The following GTF2IRD1 variants were observed in gnomAD, a reference collection of about 807,000 sequenced individuals.
GTF2IRD1 encodes the protein GTF2I repeat domain containing 1, also known as general transcription factor II-I repeat domain-containing protein 1.
Under a neutral mutation model 113.2 loss-of-function variants are expected in GTF2IRD1, and 26 were observed. The observed-to-expected ratio is 0.23, with a 90% CI of 0.17 to 0.32. GTF2IRD1 has a LOEUF of 0.32. Among genes scored for constraint, GTF2IRD1 ranks in the 10% least tolerant of loss-of-function variants. GTF2IRD1 has a pLI of 1.00. For missense variants in GTF2IRD1, 864 were observed against 1,280.8 expected (o/e 0.67, Z 4.97); for synonymous variants, 484 against 529.1 (o/e 0.91, Z 1.17).
At chr7:74,577,279 TCCAC>T (rs1801131716) in intron 22 of GTF2IRD1, among the ~76,000 whole-genome samples, 1 of 152,158 alleles carries the variant, frequency 6.6e-6, no homozygotes, top group African/African-American at 2.4e-5. Context: ...CCTCAAGCGA[TCCAC>T]CCGCCTCAGC....
At chr7:74,587,398 C>T (rs782510367) in intron 22 of GTF2IRD1, among the ~76,000 whole-genome samples, 23 of 151,922 alleles carry the variant, frequency 1.5e-4, no homozygotes, top group Admixed American at 4.6e-4. Flanking sequence ...GAACCGAGAC[C>T]GTGCCACTGC....
intron 22 of GTF2IRD1, among the ~76,000 whole-genome samples, chr7:74,575,832 C>T (rs587737529): frequency 6.6e-6 from 1 of 152,102 alleles, no homozygotes; most frequent in Non-Finnish European, 1.5e-5. Context: ...GGGGAGCAGT[C>T]CAGGCTTGAG....
rs71094796 is a variant in GTF2IRD1, at chr7:74,574,150, ATTTTTTTTTTTT to A, written c.2320+14507_2320+14518del. 6.7e-5 allele frequency among the ~76,000 whole-genome samples: 7 copies of A among 104,826 alleles called. No homozygotes were observed. In the Admixed American group the frequency reaches 7.8e-4, roughly 12 times the overall value. 68.8% of individuals were successfully genotyped at this position (104,826 alleles called of 152,430 possible). Reference sequence around the variant, plus strand: ...AGGCATGCACCACCACACCAAGCTAATTTTTTTTTTTTTTTTTTTTTTTGTATTTTTAGTAGA... The same window carrying A: ...AGGCATGCACCACCACACCAAGCTAATTTTTTTTTTTGTATTTTTAGTAGA... On this transcript the variant is annotated intron_variant, in intron 22 of 26. Coordinates refer to ENST00000424337, the MANE Select transcript of GTF2IRD1 (RefSeq NM_005685.4).
At chr7:74,584,687 G>A (rs1554367180) in intron 22 of GTF2IRD1, among the ~76,000 whole-genome samples, 1 of 152,150 alleles carries the variant, frequency 6.6e-6, no homozygotes, top group East Asian at 1.9e-4. Context: ...CTTCTATCTT[G>A]CAGCCATCTG....
At chr7:74,569,530 G>A (rs1402091811) in intron 22 of GTF2IRD1, among the ~76,000 whole-genome samples, 3 of 152,196 alleles carry the variant, frequency 2.0e-5, no homozygotes, top group Non-Finnish European at 4.4e-5. Context: ...GGCCTAGCCT[G>A]CAAAGCTAGT....
intron 22 of GTF2IRD1, among the ~76,000 whole-genome samples, chr7:74,581,534 G>A (rs1179239716): frequency 1.2e-4 from 18 of 152,186 alleles, no homozygotes; most frequent in African/African-American, 4.1e-4. Context: ...TGTTTTTCCC[G>A]TGAGCAGATT....
At chr7:74,590,671 G>T (rs1320913226) in intron 23 of GTF2IRD1, among the ~76,000 whole-genome samples, 154 bp from the exon 24 acceptor site, 1 of 152,152 alleles carries the variant, frequency 6.6e-6, no homozygotes, top group Non-Finnish European at 1.5e-5. Context: ...GATTACAGGC[G>T]TGAGCCACTG....
chr7:74,545,633 T>TA, intron 15 of GTF2IRD1, 111 bp from the exon 16 acceptor site: 2 of 788,884 alleles, frequency 2.5e-6, no homozygotes, highest in Non-Finnish European at 4.5e-6. Flanking sequence ...GCCCCAGCCT[T>TA]CCCCCATTCC....
chr7:74,512,685 A>G lies in GTF2IRD1; in HGVS notation c.124-145A>G. 1.4e-6 allele frequency: 1 copy of G among 690,690 alleles called. No individual in the cohort carries two copies. Among genetic ancestry groups the G allele is most frequent in the Non-Finnish European group, 2.4e-6 (1 of 417,374 alleles). The allele number at this position is 690,690 out of a possible 1,614,324, so 42.8% of individuals were successfully genotyped here. On this transcript the variant is annotated intron_variant, in intron 2 of 26. Transcript: ENST00000424337. This position sits in a 1 kb window ranked among gnomAD's most constrained non-coding sequence, Gnocchi z 4.4. ...CAGTCCCACTACAGAATCTGAGACC[A>G]AGAACAGTAGAGGGGCCGTCTGTCC... is the stretch of plus-strand genomic sequence containing the variant.
intron 1 of GTF2IRD1, among the ~76,000 whole-genome samples, chr7:74,499,133 G>A (rs1795881389): frequency 6.6e-6 from 1 of 152,038 alleles, no homozygotes; most frequent in South Asian, 2.1e-4. Context: ...TGAATGAGTA[G>A]GGGTGGTGAG....
At chr7:74,560,010 A>G (rs1449158516) in intron 22 of GTF2IRD1, among the ~76,000 whole-genome samples, 1 of 152,048 alleles carries the variant, frequency 6.6e-6, no homozygotes, top group South Asian at 2.1e-4. Flanking sequence ...CAAACTCCTG[A>G]CCTCAAGTGA....
At chr7:74,553,427 G>A (rs1799421500) in intron 17 of GTF2IRD1, among the ~76,000 whole-genome samples, 1 of 152,080 alleles carries the variant, frequency 6.6e-6, no homozygotes, top group South Asian at 2.1e-4. Context: ...AGCTGGGACT[G>A]CAGGGGCACG....
At position 74,539,524 on chromosome 7, in the gene GTF2IRD1, A is replaced by G. The variant is rs1305204000; in HGVS notation, c.1529-355A>G. Among the ~76,000 whole-genome samples, 3 of 151,946 alleles carry G rather than the reference A, an allele frequency of 2.0e-5. No individual in the cohort carries two copies. In the South Asian group the frequency reaches 6.2e-4, roughly 32 times the overall value. ...TTTGGGAGGCCGAGGCGGGCACATCACCTGAGGTCAGGAGTTAGAGACCAG... is the reference window on the plus strand; with the variant it reads ...TTTGGGAGGCCGAGGCGGGCACATCGCCTGAGGTCAGGAGTTAGAGACCAG... On this transcript the variant is annotated intron_variant, in intron 13 of 26. Coordinates refer to ENST00000424337, the MANE Select transcript of GTF2IRD1 (RefSeq NM_005685.4).
chr7:74,578,037 T>A (rs1326565914), intron 22 of GTF2IRD1, among the ~76,000 whole-genome samples: 1 of 152,150 alleles, frequency 6.6e-6, no homozygotes, highest in Non-Finnish European at 1.5e-5. Context: ...ACTCCTGCCC[T>A]CAAGTGATCC....
At chr7:74,517,508 C>T (rs2130226681) in intron 4 of GTF2IRD1, among the ~76,000 whole-genome samples, 1 of 149,788 alleles carries the variant, frequency 6.7e-6, no homozygotes, top group South Asian at 2.1e-4. Flanking sequence ...TGCAACCCAC[C>T]TCCCGGGTTC....
chr7:74,461,786 C>G (rs1376630575), intron 1 of GTF2IRD1, among the ~76,000 whole-genome samples: 2 of 152,114 alleles, frequency 1.3e-5, no homozygotes, highest in Non-Finnish European at 2.9e-5. Context: ...GCCATCTTAG[C>G]CAGGCTGGTT....
intron 17 of GTF2IRD1, among the ~76,000 whole-genome samples, chr7:74,554,368 C>A (rs782346308): frequency 6.6e-6 from 1 of 152,146 alleles, no homozygotes; most frequent in Non-Finnish European, 1.5e-5. Flanking sequence ...CATGTCTGGA[C>A]AGGGCTTTCT....
chr7:74,544,000 G>C (rs1798781884), intron 14 of GTF2IRD1, among the ~76,000 whole-genome samples: 1 of 151,938 alleles, frequency 6.6e-6, no homozygotes, highest in Non-Finnish European at 1.5e-5. Flanking sequence ...AGTGAGCTGT[G>C]ATTGCTCCAC....
chr7:74,536,420 T>A, intron 11 of GTF2IRD1, 145 bp downstream of exon 11: 1 of 586,618 alleles, frequency 1.7e-6, no homozygotes, highest in South Asian at 2.0e-5. Flanking sequence ...GAAAACAGAC[T>A]CCACCTACTT....
Sources: gnomAD v4.1 joint callset for allele counts (sites outside exome capture counted in the v4.1 genomes callset) on GRCh38, gnomAD v4.1.1 for gene constraint, Gnocchi (gnomAD v3.1) non-coding constraint, MANE v1.5 for transcripts, NCBI Gene and HGNC (gene_info 2026-07-23, HGNC 2026-07-21) for gene names.